Variants in ZBTB7C observed in about 807,000 individuals in gnomAD.
ZBTB7C encodes the protein zinc finger and BTB domain containing 7C.
A neutral mutation model predicts 25.7 loss-of-function variants in ZBTB7C; 8 were observed. That is an observed-to-expected ratio of 0.31 (90% CI 0.18 to 0.56). The LOEUF is 0.56. Among genes scored for constraint, ZBTB7C ranks in the 20% least tolerant of loss-of-function variants. The probability of loss-of-function intolerance (pLI) is 0.91; values close to 1 mark genes in which losing one functional copy is unlikely to be tolerated. For missense variants in ZBTB7C, 824 were observed against 855.2 expected, an observed-to-expected ratio of 0.96 and a Z score of 0.46; for synonymous variants, 394 against 369.0, an observed-to-expected ratio of 1.07 and a Z score of -0.78.
At chr18:48,341,416 A>T (rs1316369944) in intron 1 of ZBTB7C, among the ~76,000 whole-genome samples, 4 of 152,236 alleles carry the variant, frequency 2.6e-5, no homozygotes, top group Non-Finnish European at 5.9e-5. Context: ...CCTCCTCTCC[A>T]GGGAGCTGAA....
chr18:48,271,203 CAG>C (rs566112653), intron 2 of ZBTB7C, among the ~76,000 whole-genome samples: 3 of 152,178 alleles, frequency 2.0e-5, no homozygotes, highest in African/African-American at 7.2e-5. Flanking sequence ...CAAACTGTCT[CAG>C]AGAATAGAAT....
chr18:48,233,995 T>C (rs920532087), intron 2 of ZBTB7C, among the ~76,000 whole-genome samples: 1 of 152,144 alleles, frequency 6.6e-6, no homozygotes. Context: ...AACACTAAAC[T>C]TTCCAGTGAA....
At chr18:48,342,688 G>A (rs1394504223) in intron 1 of ZBTB7C, among the ~76,000 whole-genome samples, 1 of 152,120 alleles carries the variant, frequency 6.6e-6, no homozygotes, top group Non-Finnish European at 1.5e-5. Context: ...AGCCTAGGAT[G>A]CTTGTTAAAA....
intron 2 of ZBTB7C, among the ~76,000 whole-genome samples, chr18:48,326,667 A>C (rs1483820704): frequency 6.6e-6 from 1 of 152,214 alleles, no homozygotes; most frequent in Non-Finnish European, 1.5e-5. Context: ...ATGTATAGTT[A>C]AGGAAATAAG....
chr18:48,113,871 T>G (rs1435418583), intron 3 of ZBTB7C, among the ~76,000 whole-genome samples: 2 of 152,216 alleles, frequency 1.3e-5, no homozygotes, highest in South Asian at 4.1e-4. Context: ...ACAAGGTGGC[T>G]GTGAAAACAC....
At chr18:48,138,757 C>T (rs1175825149) in intron 3 of ZBTB7C, among the ~76,000 whole-genome samples, 1 of 152,192 alleles carries the variant, frequency 6.6e-6, no homozygotes. Flanking sequence ...GAAGTCAAAT[C>T]CCTTTGTCCA....
At chr18:48,295,410 G>A (rs1459383281) in intron 2 of ZBTB7C, among the ~76,000 whole-genome samples, 1 of 152,154 alleles carries the variant, frequency 6.6e-6, no homozygotes, top group Non-Finnish European at 1.5e-5. Context: ...TGGCCTCTTC[G>A]TGGGGTGCTC....
intron 1 of ZBTB7C, chr18:48,408,707 A>C (rs1423485328): frequency 1.3e-5 from 2 of 152,080 alleles, no homozygotes; most frequent in Non-Finnish European, 2.9e-5. Flanking sequence ...CGCGCCTTCC[A>C]GGCAGAAGTG....
chr18:48,390,076 A>G (rs1292316616), intron 1 of ZBTB7C, among the ~76,000 whole-genome samples: 1 of 152,204 alleles, frequency 6.6e-6, no homozygotes, highest in African/African-American at 2.4e-5. Flanking sequence ...TGAACGAAGG[A>G]GCATCTGCTG....
chr18:48,357,791 ATTC>A (rs2047010051), intron 1 of ZBTB7C, among the ~76,000 whole-genome samples: 1 of 152,242 alleles, frequency 6.6e-6, no homozygotes, highest in Non-Finnish European at 1.5e-5. Context: ...ATGTCCACTA[ATTC>A]TTCTCCTCAA....
intron 2 of ZBTB7C, among the ~76,000 whole-genome samples, chr18:48,279,613 G>C (rs114537173): frequency 0.018 from 2,741 of 152,272 alleles, 92 homozygotes; most frequent in African/African-American, 0.062. Context: ...TCAGACAAGG[G>C]ACAACCTCCC....
intron 1 of ZBTB7C, among the ~76,000 whole-genome samples, chr18:48,393,449 A>G (rs1423916038): frequency 6.6e-6 from 1 of 152,056 alleles, no homozygotes; most frequent in African/African-American, 2.4e-5. Flanking sequence ...CTCTCACTAT[A>G]AAGTCAGTCA....
At chr18:48,222,818 T>C (rs1224804972) in intron 2 of ZBTB7C, among the ~76,000 whole-genome samples, 1 of 152,080 alleles carries the variant, frequency 6.6e-6, no homozygotes, top group Non-Finnish European at 1.5e-5. Context: ...CCACCAGACC[T>C]GCAGCCACCA....
chr18:48,388,871 TG>T (rs1444569293), intron 1 of ZBTB7C, among the ~76,000 whole-genome samples: 1 of 152,270 alleles, frequency 6.6e-6, no homozygotes, highest in Non-Finnish European at 1.5e-5. Context: ...GATAGTTGAT[TG>T]ATCTAGAACA....
At chr18:48,172,414 A>T (rs1196298606) in intron 3 of ZBTB7C, among the ~76,000 whole-genome samples, 1 of 152,090 alleles carries the variant, frequency 6.6e-6, no homozygotes, top group African/African-American at 2.4e-5. Context: ...TCTCAGCCGG[A>T]GCTGCAGGCC....
At chr18:48,334,333 G>A (rs544918186) in intron 2 of ZBTB7C, among the ~76,000 whole-genome samples, 17 of 152,226 alleles carry the variant, frequency 1.1e-4, no homozygotes, top group South Asian at 2.1e-4. Flanking sequence ...CACTCACCCC[G>A]GGGGATAGAG....
At chr18:48,331,436 T>A (rs2046340466) in intron 2 of ZBTB7C, among the ~76,000 whole-genome samples, 1 of 152,208 alleles carries the variant, frequency 6.6e-6, no homozygotes, top group African/African-American at 2.4e-5. Context: ...CAATGACTAG[T>A]GAGTAACCAG....
At position 48,108,867 on chromosome 18, in the gene ZBTB7C, T is replaced by C. The variant is rs901078267; in HGVS notation, c.-16-67744A>G. ...GTGTCACCTTTTATCTTCTCAATGA[T>C]TGGGAACTTGCTCCTTTATATGGAA... On this transcript the variant is annotated intron_variant, in intron 3 of 4. Coordinates refer to ENST00000590800, the MANE Select transcript of ZBTB7C (RefSeq NM_001318841.2). Among the ~76,000 whole-genome samples, 6 of 152,144 alleles carry C rather than the reference T, an allele frequency of 3.9e-5. No homozygotes were observed. The East Asian group carries it at 1.2e-3, about 29-fold the overall frequency.
chr18:48,347,162 G>A (rs142996816), intron 1 of ZBTB7C, among the ~76,000 whole-genome samples: 4 of 119,126 alleles, frequency 3.4e-5, no homozygotes, highest in Non-Finnish European at 4.8e-5. Context: ...ACGGAGTCTC[G>A]CTCTGTTACC....
Sources: gnomAD v4.1 joint callset for allele counts (sites outside exome capture counted in the v4.1 genomes callset) on GRCh38, gnomAD v4.1.1 for gene constraint, MANE v1.5 for transcripts, NCBI Gene and HGNC (gene_info 2026-07-23, HGNC 2026-07-21) for gene names.